Variants in CCL22 observed in about 807,000 individuals in gnomAD.
The protein encoded by CCL22 is C-C motif chemokine 22.
CCL22 carries 7 observed loss-of-function variants against 7.6 expected under a neutral mutation model. The ratio of observed to expected loss-of-function variants is 0.92; its 90% confidence interval spans 0.52 to 1.72. CCL22 has a LOEUF of 1.72. Among genes scored for constraint, CCL22 ranks in the 40% most tolerant of loss-of-function variants. The pLI, the probability that CCL22 is intolerant of heterozygous loss-of-function variation, is 0.00. For synonymous variants in CCL22, 55 were observed against 47.2 expected (o/e 1.17, Z -0.68); for missense variants, 115 against 124.7 (o/e 0.92, Z 0.37).
At chr16:57,359,880 A>G (rs1597989839) in intron 1 of CCL22, among the ~76,000 whole-genome samples, 1 of 152,168 alleles carries the variant, frequency 6.6e-6, no homozygotes, top group South Asian at 2.1e-4. Flanking sequence ...TGAAACTCCC[A>G]TCTTGGCCTC....
chr16:57,360,931 C>G (rs1902042304), intron 2 of CCL22, among the ~76,000 whole-genome samples: 2 of 151,854 alleles, frequency 1.3e-5, no homozygotes, highest in African/African-American at 4.8e-5. Flanking sequence ...CCTAGTGCCA[C>G]TGAGTCAGCA....
At chr16:57,357,955 G>A (rs1283527033), upstream of CCL22, among the ~76,000 whole-genome samples, 1 of 152,188 alleles carries the variant, frequency 6.6e-6, no homozygotes, top group Non-Finnish European at 1.5e-5. Context: ...CCACGGCAGG[G>A]TTCTGAAGCA....
At chr16:57,360,166 C>T (rs1204716982) in intron 1 of CCL22, among the ~76,000 whole-genome samples, 2 of 152,204 alleles carry the variant, frequency 1.3e-5, no homozygotes, top group East Asian at 3.9e-4. Flanking sequence ...GAAATTGGGC[C>T]TCAGGCTACA....
chr16:57,360,354 G>A (rs1902033783), intron 1 of CCL22, 83 bp from the exon 2 acceptor site: 3 of 1,539,256 alleles, frequency 1.9e-6, no homozygotes, highest in Non-Finnish European at 2.7e-6. Flanking sequence ...CCTGGAGCCT[G>A]GAGAGGCCGA....
chr16:57,363,904 C>A lies in CCL22; in HGVS notation c.*316C>A. ...CAGTCTCCCAAGCCTGGCATGTGGC[C>A]CTCTGGATCTGGGTTCCATCTCTGT... On this transcript the variant is annotated 3_prime_UTR_variant, in exon 3 of 3. Transcript: ENST00000219235. 3.8e-6 allele frequency: 1 copy of A among 266,440 alleles called. No individual in the cohort carries two copies. The allele number at this position is 266,440 out of a possible 1,614,324, so 16.5% of individuals were successfully genotyped here. A position where few individuals can be genotyped will look rare whatever the true frequency, so the allele number is the denominator to read the frequency against.
chr16:57,363,851 A>C lies in CCL22; in HGVS notation c.*263A>C. The C allele has an allele frequency of 4.9e-6, 2 of 406,452 alleles. No homozygotes were observed. Among genetic ancestry groups the C allele is most frequent in the East Asian group, 4.3e-5 (1 of 23,118 alleles). The allele number at this position is 406,452 out of a possible 1,614,324, so 25.2% of individuals were successfully genotyped here. A position where few individuals can be genotyped will look rare whatever the true frequency, so the allele number is the denominator to read the frequency against. ...GCGATTCCCCTGCTTAAACCCTTCC[A>C]TGACTCCCCACTGCCCTAAGCTGAG... On this transcript the variant is annotated 3_prime_UTR_variant, in exon 3 of 3. Transcript: ENST00000219235.
rs1902089350 is a variant in CCL22 at position 57,364,798 on chromosome 16, C to CCCG, written c.*1212_*1213insGCC. ...CTGGCCTCTTCCCTCTCCCCACCCC[C>CCCG]CCCCCAACTTTTTTTTTTTTTTATG... On this transcript the variant is annotated 3_prime_UTR_variant, in exon 3 of 3. Coordinates refer to ENST00000219235, the MANE Select transcript of CCL22 (RefSeq NM_002990.5). 1 of 92,592 alleles carries CCCG rather than the reference C, an allele frequency of 1.1e-5. No homozygotes were observed. The highest frequency in any genetic ancestry group is 1.4e-4 in the Admixed American group (1 of 7,364). The allele number at this position is 92,592 out of a possible 1,614,324, so 5.7% of individuals were successfully genotyped here.
chr16:57,363,774 C>T lies in CCL22; in HGVS notation c.*186C>T. 1 of 586,228 alleles carries T rather than the reference C, an allele frequency of 1.7e-6. No homozygotes were observed. Among genetic ancestry groups the T allele is most frequent in the Non-Finnish European group, 3.1e-6 (1 of 326,884 alleles). 36.3% of individuals were successfully genotyped at this position (586,228 alleles called of 1,614,324 possible). Reference sequence around the variant, plus strand: ...CACTGCCATCTCCCCCCTGACCCCTCTAACCCATCCTCTGCCTCCCTCCCT... The same window carrying T: ...CACTGCCATCTCCCCCCTGACCCCTTTAACCCATCCTCTGCCTCCCTCCCT... On this transcript the variant is annotated 3_prime_UTR_variant, in exon 3 of 3. Coordinates refer to ENST00000219235, the MANE Select transcript of CCL22 (RefSeq NM_002990.5).
Position 57,360,536 on chromosome 16 carries a change from A to T in CCL22, c.173A>T (p.Asp58Val), listed in dbSNP as rs1191609983. Residue 58 changes from aspartate to valine, a missense_variant, in exon 2 of 3, where the codon GAC (aspartate) becomes GTC (valine). Asp to Val is a radical substitution (Grantham distance 152). Transcript: ENST00000219235. ...GTGAAACACTTCTACTGGACCTCAG[A>T]CTCCTGCCCGAGGCCTGGCGTGGTG... ...RVVKHFYWTSDSCPRPGVVLL... is the reference protein window; with the variant it reads ...RVVKHFYWTSVSCPRPGVVLL... 1.9e-6 allele frequency: 3 copies of T among 1,613,860 alleles called. No individual in the cohort carries two copies. Among genetic ancestry groups the T allele is most frequent in the Non-Finnish European group, 2.5e-6 (3 of 1,179,966 alleles).
At chr16:57,362,503 C>A (rs912925366) in intron 2 of CCL22, among the ~76,000 whole-genome samples, 10 of 151,864 alleles carry the variant, frequency 6.6e-5, no homozygotes, top group Admixed American at 4.6e-4. Flanking sequence ...GGATTTTGAG[C>A]CAGAAGGGAC....
At position 57,358,793 on chromosome 16, in the gene CCL22, G is replaced by T. The variant is rs781479887; in HGVS notation, c.-24G>T. 1.9e-6 allele frequency: 3 copies of T among 1,586,256 alleles called. No individual in the cohort carries two copies. The African/African-American group carries it at 4.0e-5, about 21-fold the overall frequency. On this transcript the variant is annotated 5_prime_UTR_variant, in exon 1 of 3. Coordinates refer to ENST00000219235, the MANE Select transcript of CCL22 (RefSeq NM_002990.5). ...TTCCTATGTCCCTTTGCAGACACCT[G>T]GGCTGAGACATACAGGACAGAGCAT...
chr16:57,364,788 T>TCCC lies in CCL22; in HGVS notation c.*1202_*1204dup, dbSNP rs1184008934. The TCCC allele has an allele frequency of 6.9e-5, 1 of 14,422 alleles. No individual in the cohort carries two copies. The highest frequency in any genetic ancestry group is 3.4e-3 in the South Asian group (1 of 298). The allele number at this position is 14,422 out of a possible 1,614,324, so 0.9% of individuals were successfully genotyped here. ...GCCACAGTGCCTGGCCTCTTCCCTC[T>TCCC]CCCCACCCCCCCCCCAACTTTTTTT... On this transcript the variant is annotated 3_prime_UTR_variant, in exon 3 of 3. Coordinates refer to ENST00000219235, the MANE Select transcript of CCL22 (RefSeq NM_002990.5).
chr16:57,361,563 G>A (rs574081558), intron 2 of CCL22, among the ~76,000 whole-genome samples: 2 of 152,208 alleles, frequency 1.3e-5, no homozygotes, highest in Non-Finnish European at 2.9e-5. Flanking sequence ...CTGGTTCCTC[G>A]TTCAGGGCTT....
chr16:57,360,090 G>A (rs1343371688), intron 1 of CCL22, among the ~76,000 whole-genome samples: 3 of 152,172 alleles, frequency 2.0e-5, no homozygotes, highest in African/African-American at 7.2e-5. Flanking sequence ...TGGGCTTTCT[G>A]AGTGCTTTTC....
rs1295824575 is a variant in CCL22, at chr16:57,365,917, C to T, written c.*2329C>T. 6.6e-6 allele frequency: 1 copy of T among 152,258 alleles called. No homozygotes were observed. Among genetic ancestry groups the T allele is most frequent in the Non-Finnish European group, 1.5e-5 (1 of 68,086 alleles). 9.4% of individuals were successfully genotyped at this position (152,258 alleles called of 1,614,324 possible). A position where few individuals can be genotyped will look rare whatever the true frequency, so the allele number is the denominator to read the frequency against. On this transcript the variant is annotated 3_prime_UTR_variant, in exon 3 of 3. Transcript: ENST00000219235. ...GGCCATTTCACTCCCTGAACCCAGC[C>T]TGACAAATCACAGTGAGAATGTTCA...
chr16:57,363,122 A>T (rs1902067246), intron 2 of CCL22, among the ~76,000 whole-genome samples: 1 of 151,998 alleles, frequency 6.6e-6, no homozygotes, highest in Admixed American at 6.6e-5. Flanking sequence ...CAGCCTCCCA[A>T]GTAGCTGAGA....
At chr16:57,358,350 C>T (rs1337298801), upstream of CCL22, among the ~76,000 whole-genome samples, 5 of 152,142 alleles carry the variant, frequency 3.3e-5, no homozygotes, top group Admixed American at 6.5e-5. Flanking sequence ...CCAGTAATGC[C>T]GTCATTAAGG....
At position 57,364,806 on chromosome 16, in the gene CCL22, C is replaced by CT. The variant is rs34460030; in HGVS notation, c.*1232dup. 104,353 of 119,160 alleles carry CT rather than the reference C, an allele frequency of 0.88. 46,290 individuals are homozygous for CT. Among genetic ancestry groups the CT allele is most frequent in the Non-Finnish European group, 0.94 (55,756 of 59,562 alleles). The allele number at this position is 119,160 out of a possible 1,614,324, so 7.4% of individuals were successfully genotyped here. The stretch of plus-strand genomic sequence containing the variant: ...TTCCCTCTCCCCACCCCCCCCCCAA[C>CT]TTTTTTTTTTTTTTATGGCAGGGTC... On this transcript the variant is annotated 3_prime_UTR_variant, in exon 3 of 3. Coordinates refer to ENST00000219235, the MANE Select transcript of CCL22 (RefSeq NM_002990.5).
At chr16:57,363,267 T>A (rs1303155362) in intron 2 of CCL22, among the ~76,000 whole-genome samples, 1 of 152,162 alleles carries the variant, frequency 6.6e-6, no homozygotes, top group Non-Finnish European at 1.5e-5. Context: ...AGTGCTGGGA[T>A]TACAGGCGTG....
Sources: gnomAD v4.1 joint callset for allele counts (sites outside exome capture counted in the v4.1 genomes callset) on GRCh38, gnomAD v4.1.1 for gene constraint, MANE v1.5 for transcripts, NCBI Gene and HGNC (gene_info 2026-07-23, HGNC 2026-07-21) for gene names.